ZNF697: variants seen among roughly 807,000 people sequenced by gnomAD.
ZNF697 encodes the protein zinc finger protein 697.
ZNF697 carries 23 observed loss-of-function variants against 32.4 expected under a neutral mutation model. The ratio of observed to expected loss-of-function variants is 0.71; its 90% confidence interval spans 0.51 to 1.01. ZNF697 has a LOEUF of 1.01. Among genes scored for constraint, ZNF697 ranks in the 50% least tolerant of loss-of-function variants. ZNF697 has a pLI of 0.00. For missense variants in ZNF697, 930 were observed against 794.0 expected (o/e 1.17, Z -2.06); for synonymous variants, 418 against 337.2 (o/e 1.24, Z -2.62).
rs1226958965 is a variant in ZNF697, at chr1:119,622,618, CCTTCCCCA to C, written c.*79_*86del. On this transcript the variant is annotated 3_prime_UTR_variant, in exon 3 of 3. Coordinates refer to ENST00000421812, the MANE Select transcript of ZNF697 (RefSeq NM_001080470.2). ...TCACTCTCAGATTGTCCCTCCCGCC[CCTTCCCCA>C]CTTCCTTCCCCTGGGTCAGTCCCAG... 1 of 1,435,308 alleles carries C rather than the reference CCTTCCCCA, an allele frequency of 7.0e-7. No individual in the cohort carries two copies. The highest frequency in any genetic ancestry group is 9.1e-7 in the Non-Finnish European group (1 of 1,098,432). 88.9% of individuals were successfully genotyped at this position (1,435,308 alleles called of 1,614,324 possible).
intron 1 of ZNF697, among the ~76,000 whole-genome samples, chr1:119,626,388 CTA>C (rs1390404757): frequency 6.6e-6 from 1 of 152,100 alleles, no homozygotes; most frequent in Non-Finnish European, 1.5e-5. Flanking sequence ...GATCTTCTGG[CTA>C]TGATATGGAT....
At chr1:119,628,710 AAC>A (rs1648673519) in intron 1 of ZNF697, among the ~76,000 whole-genome samples, 1 of 152,238 alleles carries the variant, frequency 6.6e-6, no homozygotes, top group Non-Finnish European at 1.5e-5. Context: ...CATGCCCAGT[AAC>A]ACGGATTCAG....
intron 1 of ZNF697, among the ~76,000 whole-genome samples, chr1:119,646,992 C>A (rs960934167): frequency 4.6e-5 from 7 of 151,908 alleles, no homozygotes; most frequent in African/African-American, 7.3e-5. Context: ...GACAAACATG[C>A]CCACTACAAG....
intron 1 of ZNF697, among the ~76,000 whole-genome samples, chr1:119,643,107 T>C (rs1214402343): frequency 1.3e-5 from 2 of 152,248 alleles, no homozygotes; most frequent in Non-Finnish European, 2.9e-5. Context: ...TTTATAATTA[T>C]GGTAAGATCC....
chr1:119,631,226 T>G (rs1457731673), intron 1 of ZNF697, among the ~76,000 whole-genome samples: 1 of 152,230 alleles, frequency 6.6e-6, no homozygotes, highest in Non-Finnish European at 1.5e-5. Context: ...GACCCCAAGC[T>G]GTCACGCGGC....
At chr1:119,639,522 G>A (rs778667390) in intron 1 of ZNF697, among the ~76,000 whole-genome samples, 8 of 151,888 alleles carry the variant, frequency 5.3e-5, no homozygotes, top group Non-Finnish European at 1.0e-4. Flanking sequence ...GATGCTTTTC[G>A]TCCTCAAAGC....
chr1:119,625,230 T>G (rs1399240390), intron 2 of ZNF697, among the ~76,000 whole-genome samples: 2 of 152,096 alleles, frequency 1.3e-5, no homozygotes, highest in African/African-American at 4.8e-5. Context: ...AACCTCTCAG[T>G]CCTGGCCATA....
rs781482069 is a variant in ZNF697 at position 119,623,095 on chromosome 1, C to T, written c.1248G>A (p.Glu416=). 1.9e-5 allele frequency: 30 copies of T among 1,587,044 alleles called. No homozygotes were observed. The Middle Eastern group carries it at 4.9e-4, about 26-fold the overall frequency. Residue 416 remains glutamate (E), a synonymous_variant, in exon 3 of 3, where the codon GAG becomes GAA. Transcript: ENST00000421812. Reference sequence around the variant, plus strand: ...AGAGGTGCGAGCTGACGCTGAAGGTCTCGCCGCACTCGGAGCACATGTAGG... The same window carrying T: ...AGAGGTGCGAGCTGACGCTGAAGGTTTCGCCGCACTCGGAGCACATGTAGG... ...EKPYMCSECG[E]TFSVSSHLFT...
Position 119,623,784 on chromosome 1 carries a change from C to T in ZNF697, c.559G>A (p.Ala187Thr). 1.9e-6 allele frequency: 3 copies of T among 1,545,814 alleles called. No individual in the cohort carries two copies. The highest frequency in any genetic ancestry group is 2.6e-6 in the Non-Finnish European group (3 of 1,146,314). Reference protein sequence around the residue: ...LDSLVASIMDAPTICPDCGES... With the variant: ...LDSLVASIMDTPTICPDCGES... Reference sequence around the variant, plus strand: ...CCGCAGTCGGGGCAGATGGTGGGCGCGTCCATGATGCTGGCCACCAGGCTA... The same window carrying T: ...CCGCAGTCGGGGCAGATGGTGGGCGTGTCCATGATGCTGGCCACCAGGCTA... The change falls in exon 3 of 3, where the codon GCG becomes ACG. Residue 187 changes from alanine to threonine, a missense_variant. Transcript: ENST00000421812.
At chr1:119,634,675 A>G (rs1287483272) in intron 1 of ZNF697, among the ~76,000 whole-genome samples, 1 of 152,238 alleles carries the variant, frequency 6.6e-6, no homozygotes, top group Non-Finnish European at 1.5e-5. Flanking sequence ...ACTTTCTTCA[A>G]TAACAATGCA....
chr1:119,622,841 C>T lies in ZNF697; in HGVS notation c.1502G>A (p.Ser501Asn). ...GATCAGGTGGGAGCTCTGGATAAAG[C>T]TCTTGCCGCACTCGATGCACGTGTA... ...KPYTCIECGKSFIQSSHLIRH... is the reference protein window; with the variant it reads ...KPYTCIECGKNFIQSSHLIRH... Residue 501 changes from serine to asparagine, a missense_variant, in exon 3 of 3, where the codon AGC (serine) becomes AAC (asparagine). Coordinates refer to ENST00000421812, the MANE Select transcript of ZNF697 (RefSeq NM_001080470.2). 1 of 1,607,110 alleles carries T rather than the reference C, an allele frequency of 6.2e-7. No individual in the cohort carries two copies. Among genetic ancestry groups the T allele is most frequent in the Non-Finnish European group, 8.5e-7 (1 of 1,176,444 alleles).
At position 119,623,976 on chromosome 1, in the gene ZNF697, T is replaced by C; in HGVS notation, c.367A>G (p.Ser123Gly). Residue 123 changes from serine to glycine, a missense_variant, in exon 3 of 3, where the codon AGT becomes GGT. Ser to Gly is a moderately conservative substitution (Grantham distance 56). Transcript: ENST00000421812. ...TCCTCCAGCCGGTTCTCCCCAGCAC[T>C]CTCGTCGTCGTCCTCCCGGAGGCTC... ...SRSLREDDDE[S>G]AGENRLEEEE... 2 of 1,609,946 alleles carry C rather than the reference T, an allele frequency of 1.2e-6. No homozygotes were observed. The highest frequency in any genetic ancestry group is 1.7e-6 in the Non-Finnish European group (2 of 1,178,284).
At chr1:119,631,146 C>G (rs1204557423) in intron 1 of ZNF697, among the ~76,000 whole-genome samples, 11 of 152,236 alleles carry the variant, frequency 7.2e-5, no homozygotes, top group African/African-American at 9.6e-5. Context: ...GAAATAGCAC[C>G]AAGTCTCCCA....
intron 1 of ZNF697, among the ~76,000 whole-genome samples, chr1:119,635,335 A>G (rs920341437): frequency 8.5e-5 from 13 of 152,324 alleles, no homozygotes; most frequent in Middle Eastern, 3.4e-3. Flanking sequence ...GGGGCAGTGG[A>G]GCAAAGATAC....
In ZNF697 at chr1:119,622,963, G is replaced by A. The variant is rs1648396241; in HGVS notation, c.1380C>T (p.Thr460=). 3.1e-6 allele frequency: 5 copies of A among 1,599,616 alleles called. No individual in the cohort carries two copies. The highest frequency in any genetic ancestry group is 4.3e-6 in the Non-Finnish European group (5 of 1,172,596). Residue 460 remains threonine, a synonymous_variant, in exon 3 of 3, where the codon ACC becomes ACT. Coordinates refer to ENST00000421812, the MANE Select transcript of ZNF697 (RefSeq NM_001080470.2). ...SHLVNHLRVH[T]GEKPFRCGQC... is the part of the protein sequence containing the mutation. The stretch of plus-strand genomic sequence containing the variant: ...GGCCACAGCGGAAGGGCTTCTCGCC[G>A]GTGTGCACGCGCAGGTGGTTCACCA...
At chr1:119,633,198 C>T (rs988941081) in intron 1 of ZNF697, among the ~76,000 whole-genome samples, 2 of 152,216 alleles carry the variant, frequency 1.3e-5, no homozygotes, top group Non-Finnish European at 2.9e-5. Flanking sequence ...TGTGGCCAGA[C>T]TCTCAATTTT....
intron 1 of ZNF697, among the ~76,000 whole-genome samples, chr1:119,628,646 A>T (rs1404514607): frequency 6.6e-6 from 1 of 152,192 alleles, no homozygotes; most frequent in Non-Finnish European, 1.5e-5. Context: ...ATGGCACAAC[A>T]ACTACTCAAA....
Position 119,622,453 on chromosome 1 carries a change from G to T in ZNF697, c.*252C>A. On this transcript the variant is annotated 3_prime_UTR_variant, in exon 3 of 3. Coordinates refer to ENST00000421812, the MANE Select transcript of ZNF697 (RefSeq NM_001080470.2). ...CCAAGCTCTTCACCCCCTACAGCGT[G>T]TATTTAAGGAAGTCATCACCCCAAG... is the stretch of plus-strand genomic sequence containing the variant. 1 of 585,630 alleles carries T rather than the reference G, an allele frequency of 1.7e-6. No homozygotes were observed. The highest frequency in any genetic ancestry group is 2.7e-6 in the Non-Finnish European group (1 of 374,130). The allele number at this position is 585,630 out of a possible 1,614,324, so 36.3% of individuals were successfully genotyped here.
chr1:119,641,250 G>T (rs927276618), intron 1 of ZNF697, among the ~76,000 whole-genome samples: 15 of 152,142 alleles, frequency 9.9e-5, no homozygotes, highest in African/African-American at 3.6e-4. Flanking sequence ...TTATAAGGGG[G>T]GTGGTAAAAG....
Sources: allele counts gnomAD v4.1 joint callset (sites outside exome capture counted in the v4.1 genomes callset), GRCh38; gene constraint gnomAD v4.1.1; transcripts MANE v1.5; gene names NCBI Gene and HGNC (gene_info 2026-07-23, HGNC 2026-07-21).